Variants in CD109 observed in about 807,000 individuals in gnomAD.
CD109 encodes CD109 antigen.
A neutral mutation model predicts 165.8 loss-of-function variants in CD109; 149 were observed. That is an observed-to-expected ratio of 0.90 (90% CI 0.79 to 1.03). CD109 has a LOEUF of 1.03. Among genes scored for constraint, CD109 ranks in the 50% least tolerant of loss-of-function variants. CD109 has a pLI of 0.00. For synonymous variants in CD109, 585 were observed against 592.1 expected (o/e 0.99, Z 0.18); for missense variants, 1,712 against 1,677.8 (o/e 1.02, Z -0.36).
chr6:73,761,199 T>C (rs542923759), intron 7 of CD109, among the ~76,000 whole-genome samples: 32 of 152,346 alleles, frequency 2.1e-4, no homozygotes, highest in Non-Finnish European at 4.1e-4. Flanking sequence ...GTAATAAACC[T>C]TCCTCGCTAA....
At chr6:73,726,007 A>C (rs190427230) in intron 3 of CD109, among the ~76,000 whole-genome samples, 51 of 152,318 alleles carry the variant, frequency 3.3e-4, no homozygotes, top group Middle Eastern at 3.4e-3. Flanking sequence ...AAGTGTATGG[A>C]CAAATTTGAT....
At chr6:73,690,563 T>G in the CD109 span, among the ~76,000 whole-genome samples, 105 of 152,146 alleles carry the variant, frequency 6.9e-4, no homozygotes, top group African/African-American at 2.4e-3. Flanking sequence ...CACCACGCCT[T>G]GCTAATTTTG....
In CD109 at chr6:73,818,398, C is replaced by T; in HGVS notation, c.3922C>T (p.Pro1308Ser). Reference sequence around the variant, plus strand: ...CCCTCTTTGATTTAGCTTTTCGGGCCCGGGTAGGAGTGGCATGGCTCTTAT... The same window carrying T: ...CCCTCTTTGATTTAGCTTTTCGGGCTCGGGTAGGAGTGGCATGGCTCTTAT... ...DLNVCTSFSGPGRSGMALMEV... is the reference protein window; with the variant it reads ...DLNVCTSFSGSGRSGMALMEV... Residue 1308 changes from proline (P) to serine (S), a missense_variant, in exon 31 of 33, where the codon CCG (proline) becomes TCG (serine). Pro to Ser is a moderately conservative substitution (Grantham distance 74). Transcript: ENST00000287097. 1 of 1,613,610 alleles carries T rather than the reference C, an allele frequency of 6.2e-7. No individual in the cohort carries two copies. The highest frequency in any genetic ancestry group is 8.5e-7 in the Non-Finnish European group (1 of 1,179,886).
chr6:73,792,259 G>A (rs111282103), intron 22 of CD109, among the ~76,000 whole-genome samples: 4,580 of 152,096 alleles, frequency 0.03, 238 homozygotes, highest in African/African-American at 0.1. Flanking sequence ...TTTTGTTTGC[G>A]TGAAGAATAC....
chr6:73,721,999 G>T (rs1771969678), intron 2 of CD109, among the ~76,000 whole-genome samples: 2 of 152,326 alleles, frequency 1.3e-5, no homozygotes, highest in South Asian at 2.1e-4. Flanking sequence ...GTCTCCCAAA[G>T]TGCTGGGATT....
chr6:73,780,418 C>T lies in CD109; in HGVS notation c.1828-6C>T. 34 of 1,556,332 alleles carry T rather than the reference C, an allele frequency of 2.2e-5. No homozygotes were observed. Among genetic ancestry groups the T allele is most frequent in the Non-Finnish European group, 3.0e-5 (34 of 1,128,556 alleles). The stretch of plus-strand genomic sequence containing the variant: ...ATTCATTCCGTATATTTTATCTTCT[C>T]CTTAGGTGGTCCATGAGTTGGAACT... On this transcript the variant is annotated splice_polypyrimidine_tract_variant and splice_region_variant and intron_variant, in intron 15 of 32. Coordinates refer to ENST00000287097, the MANE Select transcript of CD109 (RefSeq NM_133493.5).
chr6:73,800,145 C>T (rs1011482529), intron 23 of CD109, among the ~76,000 whole-genome samples: 1 of 152,152 alleles, frequency 6.6e-6, no homozygotes, highest in Admixed American at 6.5e-5. Context: ...ATAGGTGAAC[C>T]TTGGCGCCTC....
At chr6:73,758,906 A>T in intron 6 of CD109, 38 bp from the exon 7 acceptor site, 1 of 1,177,566 alleles carries the variant, frequency 8.5e-7, no homozygotes, top group Non-Finnish European at 1.3e-6. Context: ...CTTCGTCTCA[A>T]AAAGAAAAAA....
intron 18 of CD109, among the ~76,000 whole-genome samples, chr6:73,783,216 G>T (rs1046804614): frequency 2.6e-5 from 4 of 152,148 alleles, no homozygotes; most frequent in African/African-American, 9.7e-5. Context: ...GATAAACCCC[G>T]TACCACCTGG....
At chr6:73,756,107 AT>A (rs1341539225) in intron 5 of CD109, among the ~76,000 whole-genome samples, 6 of 152,244 alleles carry the variant, frequency 3.9e-5, no homozygotes, top group African/African-American at 1.4e-4. Context: ...GGATGTATTG[AT>A]TTAAGAATTA....
At chr6:73,804,577 C>T (rs754822765) in intron 24 of CD109, among the ~76,000 whole-genome samples, 2 of 152,186 alleles carry the variant, frequency 1.3e-5, no homozygotes, top group African/African-American at 4.8e-5. Flanking sequence ...CACACATAAA[C>T]AGGCCCTGGG....
At chr6:73,685,929 T>C in the CD109 span, among the ~76,000 whole-genome samples, 1 of 152,260 alleles carries the variant, frequency 6.6e-6, no homozygotes, top group Admixed American at 6.5e-5. Context: ...TCTTTGCTAA[T>C]TGCTCTGGCT....
At chr6:73,693,873 TTTTC>T (rs1181421432), upstream of CD109, 2 of 151,736 alleles carry the variant, frequency 1.3e-5, no homozygotes, top group Admixed American at 6.6e-5. Context: ...TTCTTTTTTC[TTTTC>T]TTTCTTTTCT....
intron 6 of CD109, among the ~76,000 whole-genome samples, chr6:73,757,504 C>T (rs1773442799): frequency 6.6e-6 from 1 of 151,778 alleles, no homozygotes; most frequent in African/African-American, 2.4e-5. Context: ...TTTTTTTCAA[C>T]CAGTTAAAAA....
intron 18 of CD109, among the ~76,000 whole-genome samples, 185 bp downstream of exon 18, chr6:73,782,940 A>T (rs1166219792): frequency 1.3e-5 from 2 of 152,084 alleles, no homozygotes; most frequent in Non-Finnish European, 2.9e-5. Flanking sequence ...GCCACACATA[A>T]ATTATGGCAG....
chr6:73,818,837 TC>T (rs1249400982), intron 31 of CD109, among the ~76,000 whole-genome samples: 1 of 152,054 alleles, frequency 6.6e-6, no homozygotes, highest in African/African-American at 2.4e-5. Context: ...TCAACCCAGA[TC>T]TGAATTTGAG....
intron 2 of CD109, among the ~76,000 whole-genome samples, chr6:73,699,639 G>A (rs561421336): frequency 2.0e-5 from 3 of 152,144 alleles, no homozygotes; most frequent in Non-Finnish European, 2.9e-5. Flanking sequence ...TGGGAGAAGG[G>A]TTCCTTGTAT....
chr6:73,707,367 C>T (rs1049452966), intron 2 of CD109, among the ~76,000 whole-genome samples: 2 of 151,918 alleles, frequency 1.3e-5, no homozygotes, highest in African/African-American at 2.4e-5. Context: ...AGAGAACAGA[C>T]GAAAGAGTGG....
intron 2 of CD109, among the ~76,000 whole-genome samples, chr6:73,714,971 G>A (rs1294426553): frequency 1.3e-5 from 2 of 152,118 alleles, no homozygotes; most frequent in East Asian, 1.9e-4. Context: ...CAATGGTGAG[G>A]CACAAGGCTG....
Sources: gnomAD v4.1 joint callset for allele counts (sites outside exome capture counted in the v4.1 genomes callset) on GRCh38, gnomAD v4.1.1 for gene constraint, MANE v1.5 for transcripts, NCBI Gene and HGNC (gene_info 2026-07-23, HGNC 2026-07-21) for gene names.